FAM72C: variants seen among roughly 807,000 people sequenced by gnomAD.
FAM72C encodes RUMY family member 3.
A neutral mutation model predicts 5.2 loss-of-function variants in FAM72C; 1 was observed. The observed-to-expected ratio is 0.19, with a 90% CI of 0.07 to 0.91. The LOEUF (loss-of-function observed/expected upper bound fraction) is 0.91, where lower values mean the gene tolerates loss of function less well. Ranked by LOEUF, FAM72C falls within the 40% of genes least tolerant of loss-of-function variation. The probability of loss-of-function intolerance (pLI) is 0.66; values close to 1 mark genes in which losing one functional copy is unlikely to be tolerated. For synonymous variants in FAM72C, 1 was observed against 21.8 expected (o/e 0.05, Z 2.66); for missense variants, 4 against 66.0 (o/e 0.06, Z 3.25).
Position 143,962,023 on chromosome 1 carries a change from T to C in FAM72C, c.355+2832A>G, listed in dbSNP as rs185323727. On this transcript the variant is annotated intron_variant, in intron 3 of 3. Transcript: ENST00000584486. ...ACAGATTTTTCTTTTCTTTTCTTTT[T>C]TTTTTTTTGAGATGGAGTTTCACTT... Among the ~76,000 whole-genome samples the C allele has an allele frequency of 3.4e-4, 50 of 145,750 alleles. 3 individuals are homozygous for C. The highest frequency in any genetic ancestry group is 1.4e-3 in the Admixed American group (20 of 14,540).
chr1:143,960,831 ATTT>A (rs1255827785), intron 3 of FAM72C, among the ~76,000 whole-genome samples: 2 of 115,308 alleles, frequency 1.7e-5, no homozygotes. Context: ...TTACTAAAAT[ATTT>A]TTTTTTTTTT....
At chr1:143,959,106 G>A (rs1661523906) in intron 3 of FAM72C, among the ~76,000 whole-genome samples, 1 of 138,170 alleles carries the variant, frequency 7.2e-6, no homozygotes, top group Admixed American at 7.0e-5. Flanking sequence ...TCTGACAGAA[G>A]CAGCACCTTC....
intron 2 of FAM72C, among the ~76,000 whole-genome samples, chr1:143,967,392 C>T (rs1453553693): frequency 5.6e-5 from 8 of 142,788 alleles, no homozygotes; most frequent in Admixed American, 1.4e-4. Context: ...GCAGGAGATT[C>T]GCTTGAACCT....
chr1:143,965,482 C>T (rs1661749308), intron 2 of FAM72C, among the ~76,000 whole-genome samples: 1 of 107,786 alleles, frequency 9.3e-6, no homozygotes, highest in Admixed American at 9.0e-5. Context: ...AGGCATGAGC[C>T]ACCATGCTTG....
At chr1:143,969,683 CTTACCATAG>C (rs1661852748) in intron 1 of FAM72C, among the ~76,000 whole-genome samples, 3 of 73,888 alleles carry the variant, frequency 4.1e-5, no homozygotes, top group African/African-American at 5.3e-5. Context: ...TGCCCTATTA[CTTACCATAG>C]CTATTGCAAA....
chr1:143,969,554 T>TG (rs1418715536), intron 1 of FAM72C, among the ~76,000 whole-genome samples: 22 of 142,742 alleles, frequency 1.5e-4, no homozygotes, highest in African/African-American at 5.6e-4. Flanking sequence ...ACATACATCT[T>TG]AGCACACTAA....
intron 3 of FAM72C, among the ~76,000 whole-genome samples, chr1:143,960,498 C>T (rs1311505528): frequency 2.9e-5 from 4 of 135,938 alleles, no homozygotes; most frequent in Middle Eastern, 7.8e-3. Context: ...GAGGCTGAGG[C>T]AGGCGGATCC....
chr1:143,966,001 C>G (rs1570992235), intron 2 of FAM72C, among the ~76,000 whole-genome samples: 1 of 96,480 alleles, frequency 1.0e-5, no homozygotes, highest in East Asian at 3.1e-4. Context: ...GCAACATGAA[C>G]TGTTTATACC....
At chr1:143,960,831 A>ATTT (rs1255827785) in intron 3 of FAM72C, among the ~76,000 whole-genome samples, 7 of 115,324 alleles carry the variant, frequency 6.1e-5, no homozygotes, top group Admixed American at 8.9e-5. Context: ...TTACTAAAAT[A>ATTT]TTTTTTTTTT....
At position 143,966,707 on chromosome 1, in the gene FAM72C, T is replaced by C. The variant is rs1471909047; in HGVS notation, c.231-1728A>G. On this transcript the variant is annotated intron_variant, in intron 2 of 3. Coordinates refer to ENST00000584486, the MANE Select transcript of FAM72C (RefSeq NM_001287385.2). ...GGTTAGACAAAATATATGATTAAAA[T>C]TAACTTTCCTGTTTTGGTTTTCTTT... Among the ~76,000 whole-genome samples, 46 of 144,196 alleles carry C rather than the reference T, an allele frequency of 3.2e-4. 1 individual carries two copies. Among genetic ancestry groups the C allele is most frequent in the Non-Finnish European group, 6.9e-4 (45 of 65,342 alleles). 94.6% of individuals were successfully genotyped at this position (144,196 alleles called of 152,430 possible).
rs1180741584 is a variant in FAM72C, at chr1:143,955,546, ACAAAG to A, written c.*836_*840del. 1.4e-5 allele frequency: 2 copies of A among 144,758 alleles called. No individual in the cohort carries two copies. Among genetic ancestry groups the A allele is most frequent in the African/African-American group, 2.6e-5 (1 of 38,648 alleles). The allele number at this position is 144,758 out of a possible 1,614,324, so 9.0% of individuals were successfully genotyped here. A position where few individuals can be genotyped will look rare whatever the true frequency, so the allele number is the denominator to read the frequency against. On this transcript the variant is annotated 3_prime_UTR_variant, in exon 4 of 4. Coordinates refer to ENST00000584486, the MANE Select transcript of FAM72C (RefSeq NM_001287385.2). ...TGAATGCAGCTTTAAAAAAAACAAAACAAAGCAAAGCAAAGCAAAACAAAACAGCT... is the reference window on the plus strand; with the variant it reads ...TGAATGCAGCTTTAAAAAAAACAAAACAAAGCAAAGCAAAACAAAACAGCT...
intron 3 of FAM72C, among the ~76,000 whole-genome samples, chr1:143,960,756 G>T (rs1661596571): frequency 7.2e-6 from 1 of 139,216 alleles, no homozygotes; most frequent in Non-Finnish European, 1.6e-5. Context: ...GTATTTCAGT[G>T]CCTCAGCACC....
rs1379513977 is a variant in FAM72C at position 143,962,091 on chromosome 1, C to T, written c.355+2764G>A. 9.5e-5 allele frequency among the ~76,000 whole-genome samples: 13 copies of T among 136,888 alleles called. 1 individual carries two copies. Among genetic ancestry groups the T allele is most frequent in the East Asian group, 4.5e-4 (2 of 4,456 alleles). The allele number at this position is 136,888 out of a possible 152,430, so 89.8% of individuals were successfully genotyped here. A position where few individuals can be genotyped will look rare whatever the true frequency, so the allele number is the denominator to read the frequency against. On this transcript the variant is annotated intron_variant, in intron 3 of 3. Transcript: ENST00000584486. The stretch of plus-strand genomic sequence containing the variant: ...GTGCAATGGCGTGATCTTGGCTCAC[C>T]GCAACCTCCGCCTCCCGGGTTCAAG...
rs1223382665 is a variant in FAM72C at position 143,967,027 on chromosome 1, C to G, written c.230+1897G>C. ...TGGGCAACTGAGCAAGACTCCGTCT[C>G]AAAGCAAAACAAAAAAAATGTCGTT... On this transcript the variant is annotated intron_variant, in intron 2 of 3. Coordinates refer to ENST00000584486, the MANE Select transcript of FAM72C (RefSeq NM_001287385.2). 4.3e-5 allele frequency among the ~76,000 whole-genome samples: 6 copies of G among 139,654 alleles called. 1 individual carries two copies. The Admixed American group carries it at 4.4e-4, about 10-fold the overall frequency. 91.6% of individuals were successfully genotyped at this position (139,654 alleles called of 152,430 possible). A position where few individuals can be genotyped will look rare whatever the true frequency, so the allele number is the denominator to read the frequency against.
At chr1:143,959,206 T>C (rs1296170519) in intron 3 of FAM72C, among the ~76,000 whole-genome samples, 5 of 136,998 alleles carry the variant, frequency 3.6e-5, no homozygotes, top group Non-Finnish European at 7.7e-5. Context: ...GCGGGGCTTT[T>C]ATCTTTGAAA....
intron 2 of FAM72C, among the ~76,000 whole-genome samples, chr1:143,966,969 A>G (rs1202346887): frequency 1.4e-5 from 2 of 144,866 alleles, no homozygotes; most frequent in Non-Finnish European, 3.1e-5. Context: ...CGGAGGTTGC[A>G]GTGAGCCAAG....
At chr1:143,967,414 G>T (rs1326945853) in intron 2 of FAM72C, among the ~76,000 whole-genome samples, 2 of 143,162 alleles carry the variant, frequency 1.4e-5, no homozygotes, top group Non-Finnish European at 3.1e-5. Context: ...GGAGGCAGAG[G>T]TTGCAGTAAG....
At position 143,965,341 on chromosome 1, in the gene FAM72C, G is replaced by A. The variant is rs1197882919; in HGVS notation, c.231-362C>T. On this transcript the variant is annotated intron_variant, in intron 2 of 3. Transcript: ENST00000584486. ...CTCCAGAATAGCTGGGATTACAGGC[G>A]TGTGCCACCATGCCCAGCTAACTTT... 5.8e-5 allele frequency among the ~76,000 whole-genome samples: 5 copies of A among 86,510 alleles called. 2 individuals carry two copies. Among genetic ancestry groups the A allele is most frequent in the Non-Finnish European group, 9.2e-5 (4 of 43,364 alleles). 56.8% of individuals were successfully genotyped at this position (86,510 alleles called of 152,430 possible).
chr1:143,959,657 A>ATGCTAGT (rs1553517660), intron 3 of FAM72C, among the ~76,000 whole-genome samples: 1 of 121,798 alleles, frequency 8.2e-6, no homozygotes, highest in African/African-American at 3.3e-5. Context: ...GAACCTAAGA[A>ATGCTAGT]TGCTAGTGTC....
Sources: allele counts gnomAD v4.1 joint callset (sites outside exome capture counted in the v4.1 genomes callset), GRCh38; gene constraint gnomAD v4.1.1; transcripts MANE v1.5; gene names NCBI Gene and HGNC (gene_info 2026-07-23, HGNC 2026-07-21).